NR3C2: variants seen among roughly 807,000 people sequenced by gnomAD.
NR3C2 encodes the protein nuclear receptor subfamily 3 group C member 2, also known as mineralocorticoid receptor.
NR3C2 carries 15 observed loss-of-function variants against 86.4 expected under a neutral mutation model. That is an observed-to-expected ratio of 0.17 (90% confidence interval 0.12 to 0.27). The LOEUF (loss-of-function observed/expected upper bound fraction) is 0.27, where lower values mean the gene tolerates loss of function less well. Among genes scored for constraint, NR3C2 ranks in the 10% least tolerant of loss-of-function variants. The pLI is 1.00. For missense variants in NR3C2, 960 were observed against 1,195.6 expected, an observed-to-expected ratio of 0.80 and a Z score of 2.91; for synonymous variants, 458 against 450.5, an observed-to-expected ratio of 1.02 and a Z score of -0.21.
intron 2 of NR3C2, among the ~76,000 whole-genome samples, chr4:148,425,317 A>G (rs1749473844): frequency 6.6e-6 from 1 of 152,230 alleles, no homozygotes; most frequent in South Asian, 2.1e-4. Flanking sequence ...GCTAACTAGC[A>G]GAAATGAAGT....
At chr4:148,123,554 G>A (rs1347350160) in intron 6 of NR3C2, among the ~76,000 whole-genome samples, 1 of 152,182 alleles carries the variant, frequency 6.6e-6, no homozygotes, top group East Asian at 1.9e-4. Flanking sequence ...CTGGTTTTGA[G>A]GCTCAGGTGG....
At chr4:148,318,693 C>T (rs1223783526) in intron 2 of NR3C2, among the ~76,000 whole-genome samples, 1 of 151,992 alleles carries the variant, frequency 6.6e-6, no homozygotes, top group East Asian at 1.9e-4. Flanking sequence ...AGTGTCTGTT[C>T]ATGTCCTTCG....
At chr4:148,180,157 C>A (rs1313419127) in intron 4 of NR3C2, among the ~76,000 whole-genome samples, 1 of 151,706 alleles carries the variant, frequency 6.6e-6, no homozygotes, top group Non-Finnish European at 1.5e-5. Flanking sequence ...TGGTGTTGAT[C>A]CTGTAATTTC....
chr4:148,168,151 G>T (rs1469139158), intron 4 of NR3C2, among the ~76,000 whole-genome samples: 1 of 152,130 alleles, frequency 6.6e-6, no homozygotes, highest in African/African-American at 2.4e-5. Context: ...TTAATCTTAG[G>T]GCCCAATAAA....
chr4:148,180,533 A>C (rs1735598216), intron 4 of NR3C2, among the ~76,000 whole-genome samples: 1 of 151,996 alleles, frequency 6.6e-6, no homozygotes, highest in African/African-American at 2.4e-5. Context: ...TTTTCTTTAA[A>C]TTTCATAAAA....
At chr4:148,098,376 G>A (rs1350891338) in intron 8 of NR3C2, among the ~76,000 whole-genome samples, 1 of 152,044 alleles carries the variant, frequency 6.6e-6, no homozygotes, top group Non-Finnish European at 1.5e-5. Flanking sequence ...CATAAGCCAC[G>A]TCATAGTTTT....
Position 148,081,426 on chromosome 4 carries a change from G to A in NR3C2, c.2873C>T (p.Ala958Val). The change falls in exon 9 of 9, where the codon GCA (alanine) becomes GTA (valine). Residue 958 changes from alanine (A) to valine (V), a missense_variant. Physicochemically the swap from Ala to Val is moderately conservative, Grantham distance 64. Coordinates refer to ENST00000358102, the MANE Select transcript of NR3C2 (RefSeq NM_000901.5). ...ESHALKVEFPAMLVEIISDQL... is the reference protein window; with the variant it reads ...ESHALKVEFPVMLVEIISDQL... The stretch of plus-strand genomic sequence containing the variant: ...GTCGCTGATGATCTCCACCAGCATT[G>A]CGGGGAACTCTACCTTCAGCGCATG... 6.2e-7 allele frequency: 1 copy of A among 1,614,112 alleles called. No homozygotes were observed. Among genetic ancestry groups the A allele is most frequent in the Non-Finnish European group, 8.5e-7 (1 of 1,180,024 alleles).
At chr4:148,329,750 C>T (rs1744142441) in intron 2 of NR3C2, among the ~76,000 whole-genome samples, 1 of 152,160 alleles carries the variant, frequency 6.6e-6, no homozygotes, top group Non-Finnish European at 1.5e-5. Flanking sequence ...GCAATTTGCC[C>T]AAGATGATGG....
chr4:148,445,005 C>A, upstream of NR3C2: 1 of 984,670 alleles, frequency 1.0e-6, no homozygotes, highest in Non-Finnish European at 1.2e-6. Context: ...CTGCGCCCCC[C>A]TCCCCGGGTC....
chr4:148,292,078 A>C (rs1041626090), intron 2 of NR3C2, among the ~76,000 whole-genome samples: 7 of 152,068 alleles, frequency 4.6e-5, no homozygotes, highest in African/African-American at 1.7e-4. Flanking sequence ...AATAAGTTGA[A>C]ATTCTGTAAA....
At chr4:148,221,084 C>A (rs1289899964) in intron 3 of NR3C2, among the ~76,000 whole-genome samples, 1 of 152,114 alleles carries the variant, frequency 6.6e-6, no homozygotes, top group Non-Finnish European at 1.5e-5. Context: ...ATCTGTTAAA[C>A]TCTGTACATT....
At chr4:148,278,568 C>T (rs369247745) in intron 2 of NR3C2, among the ~76,000 whole-genome samples, 9 of 152,096 alleles carry the variant, frequency 5.9e-5, no homozygotes, top group African/African-American at 9.6e-5. Flanking sequence ...AATACACGTG[C>T]GTGCGCGCGC....
At chr4:148,246,093 TAACAACAACAAC>T (rs138674569) in intron 3 of NR3C2, among the ~76,000 whole-genome samples, 2 of 150,668 alleles carry the variant, frequency 1.3e-5, no homozygotes, top group African/African-American at 4.9e-5. Flanking sequence ...TCAGATGCTA[TAACAACAACAAC>T]AACAACAACA....
At chr4:148,099,237 A>C (rs1004350891) in intron 8 of NR3C2, among the ~76,000 whole-genome samples, 2 of 152,244 alleles carry the variant, frequency 1.3e-5, no homozygotes, top group African/African-American at 4.8e-5. Context: ...AAGAATTTCC[A>C]GATGGGAGCA....
rs550696541 is a variant in NR3C2 at position 148,265,383 on chromosome 4, T to C, written c.1758-5266A>G. 3.4e-4 allele frequency among the ~76,000 whole-genome samples: 51 copies of C among 152,190 alleles called. No individual in the cohort carries two copies. In the Middle Eastern group the frequency reaches 0.017, roughly 51 times the overall value. On this transcript the variant is annotated intron_variant, in intron 2 of 8. Transcript: ENST00000358102. ...TGCTTGGGGAGAAGTAACAAGAAGC[T>C]ACGTAAGAAAAAAAATGATTTTTTA...
At chr4:148,142,557 C>T (rs1164478396) in intron 6 of NR3C2, among the ~76,000 whole-genome samples, 1 of 152,142 alleles carries the variant, frequency 6.6e-6, no homozygotes, top group Non-Finnish European at 1.5e-5. Context: ...TGCAGTGGCG[C>T]AACCACGGCT....
intron 6 of NR3C2, among the ~76,000 whole-genome samples, chr4:148,141,027 T>C (rs1733577642): frequency 6.6e-6 from 1 of 152,208 alleles, no homozygotes; most frequent in African/African-American, 2.4e-5. Context: ...GCTTACATGT[T>C]AAGTCTCCAA....
chr4:148,242,065 GT>G (rs1187171577), intron 3 of NR3C2, among the ~76,000 whole-genome samples: 2 of 152,154 alleles, frequency 1.3e-5, no homozygotes, highest in Non-Finnish European at 2.9e-5. Flanking sequence ...GGATTTAAGT[GT>G]TTAATAGGTA....
chr4:148,287,177 T>C (rs1741567668), intron 2 of NR3C2, among the ~76,000 whole-genome samples: 1 of 152,214 alleles, frequency 6.6e-6, no homozygotes, highest in Admixed American at 6.5e-5. Context: ...TAACTATTTT[T>C]TTCTCTAATG....
Sources: allele counts gnomAD v4.1 joint callset (sites outside exome capture counted in the v4.1 genomes callset), GRCh38; gene constraint gnomAD v4.1.1; transcripts MANE v1.5; gene names NCBI Gene and HGNC (gene_info 2026-07-23, HGNC 2026-07-21).